GRM8: variants seen among roughly 807,000 people sequenced by gnomAD.
GRM8 encodes glutamate metabotropic receptor 8.
A neutral mutation model predicts 87.2 loss-of-function variants in GRM8; 47 were observed. The ratio of observed to expected loss-of-function variants is 0.54; its 90% CI spans 0.43 to 0.69. The LOEUF (loss-of-function observed/expected upper bound fraction) is 0.69. Among genes scored for constraint, GRM8 ranks in the 30% least tolerant of loss-of-function variants. The pLI, the probability that GRM8 is intolerant of heterozygous loss-of-function variation, is 0.00. For synonymous variants in GRM8, 396 were observed against 404.5 expected (o/e 0.98, Z 0.25); for missense variants, 1,019 against 1,139.2 (o/e 0.89, Z 1.52).
At chr7:126,530,234 G>A (rs1262986294) in intron 9 of GRM8, among the ~76,000 whole-genome samples, 6 of 152,158 alleles carry the variant, frequency 3.9e-5, no homozygotes, top group East Asian at 3.8e-4. Context: ...TGTGTGGTTC[G>A]ATGCATTCTC....
At chr7:127,107,174 A>T (rs2133085938) in intron 2 of GRM8, among the ~76,000 whole-genome samples, 1 of 152,332 alleles carries the variant, frequency 6.6e-6, no homozygotes, top group African/African-American at 2.4e-5. Context: ...ATTTTTTTAT[A>T]CTTGATACCA....
chr7:126,567,629 G>A (rs62479321), intron 8 of GRM8, among the ~76,000 whole-genome samples: 46,952 of 151,934 alleles, frequency 0.31, 8,128 homozygotes, highest in East Asian at 0.43. Flanking sequence ...AATTGTGTAT[G>A]CTTTTAGTGG....
intron 7 of GRM8, among the ~76,000 whole-genome samples, chr7:126,610,503 G>A (rs1798813349): frequency 6.6e-6 from 1 of 152,028 alleles, no homozygotes; most frequent in Non-Finnish European, 1.5e-5. Context: ...GTGCTAGAGG[G>A]TTTCCCCTTC....
chr7:126,473,756 G>T (rs569467348), intron 9 of GRM8, among the ~76,000 whole-genome samples: 7 of 152,194 alleles, frequency 4.6e-5, no homozygotes, highest in Admixed American at 4.6e-4. Flanking sequence ...TCTTGGGAGG[G>T]ACCCATTTGG....
At chr7:126,833,520 C>T (rs918688107) in intron 6 of GRM8, among the ~76,000 whole-genome samples, 4 of 152,144 alleles carry the variant, frequency 2.6e-5, no homozygotes, top group African/African-American at 7.2e-5. Flanking sequence ...AATCAGGGTG[C>T]CAGTATGGTC....
chr7:126,692,196 T>C (rs1271249587), intron 7 of GRM8, among the ~76,000 whole-genome samples: 1 of 152,216 alleles, frequency 6.6e-6, no homozygotes, highest in Non-Finnish European at 1.5e-5. Flanking sequence ...GCTAACGAAC[T>C]TTCTCCATCC....
intron 3 of GRM8, among the ~76,000 whole-genome samples, chr7:126,915,807 G>C (rs924564379): frequency 1.3e-5 from 2 of 152,194 alleles, no homozygotes; most frequent in African/African-American, 4.8e-5. Context: ...GGTATCTATG[G>C]AACTGGGCAG....
intron 6 of GRM8, among the ~76,000 whole-genome samples, chr7:126,889,157 C>G (rs1800762743): frequency 6.6e-6 from 1 of 152,058 alleles, no homozygotes; most frequent in Admixed American, 6.5e-5. Flanking sequence ...AAAAAGAAAC[C>G]AGAGCAATTT....
intron 3 of GRM8, among the ~76,000 whole-genome samples, chr7:126,998,909 C>T (rs1295732413): frequency 6.6e-6 from 1 of 151,458 alleles, no homozygotes; most frequent in African/African-American, 2.4e-5. Context: ...AAAAGTAATC[C>T]TATGATTTAT....
At chr7:126,873,389 T>G (rs1305758346) in intron 6 of GRM8, among the ~76,000 whole-genome samples, 1 of 152,108 alleles carries the variant, frequency 6.6e-6, no homozygotes, top group East Asian at 1.9e-4. Flanking sequence ...GGTTGATGCT[T>G]ATAAACTGTG....
At chr7:126,867,434 T>C (rs938439298) in intron 6 of GRM8, among the ~76,000 whole-genome samples, 49 of 152,248 alleles carry the variant, frequency 3.2e-4, no homozygotes, top group African/African-American at 1.2e-3. Flanking sequence ...TGACATTTAG[T>C]TGTATTGACT....
intron 7 of GRM8, among the ~76,000 whole-genome samples, chr7:126,695,138 G>A (rs1335930920): frequency 6.6e-6 from 1 of 152,070 alleles, no homozygotes; most frequent in African/African-American, 2.4e-5. Flanking sequence ...GCCTATATTC[G>A]AGAAAAACTA....
At position 126,477,622 on chromosome 7, in the gene GRM8, A is replaced by AGAAAGAAAGAAC. The variant is rs1387058158; in HGVS notation, c.2431-31251_2431-31250insGTTCTTTCTTTC. On this transcript the variant is annotated intron_variant, in intron 9 of 10. Transcript: ENST00000339582. ...AAGAAAGAAAGAAAGAAAGAAAGAA[A>AGAAAGAAAGAAC]GAAAGAAAGAAAGAAAAAACGAAAG... 1.4e-3 allele frequency among the ~76,000 whole-genome samples: 197 copies of AGAAAGAAAGAAC among 144,002 alleles called. 4 individuals are homozygous for AGAAAGAAAGAAC. Among genetic ancestry groups the AGAAAGAAAGAAC allele is most frequent in the East Asian group, 4.4e-3 (21 of 4,794 alleles). 94.5% of individuals were successfully genotyped at this position (144,002 alleles called of 152,430 possible). A position where few individuals can be genotyped will look rare whatever the true frequency, so the allele number is the denominator to read the frequency against.
intron 2 of GRM8, among the ~76,000 whole-genome samples, chr7:127,114,847 T>A (rs1289541800): frequency 6.6e-6 from 1 of 152,152 alleles, no homozygotes; most frequent in Admixed American, 6.5e-5. Context: ...ATGGGTATTG[T>A]ATGAGTCATA....
intron 7 of GRM8, among the ~76,000 whole-genome samples, chr7:126,653,212 G>A (rs578253571): frequency 6.6e-6 from 1 of 150,700 alleles, no homozygotes; most frequent in South Asian, 2.1e-4. Flanking sequence ...CTGAGGTGGA[G>A]GATCACTTGA....
At chr7:126,776,787 T>C (rs566418953) in intron 6 of GRM8, among the ~76,000 whole-genome samples, 1 of 152,252 alleles carries the variant, frequency 6.6e-6, no homozygotes, top group Non-Finnish European at 1.5e-5. Flanking sequence ...TGGTTACTTC[T>C]CAGTAAAAAT....
At chr7:127,003,661 C>A (rs528967315) in intron 3 of GRM8, among the ~76,000 whole-genome samples, 3 of 151,812 alleles carry the variant, frequency 2.0e-5, no homozygotes, top group African/African-American at 7.2e-5. Context: ...AGAGGTAACA[C>A]GTCAAAGTCT....
intron 9 of GRM8, among the ~76,000 whole-genome samples, chr7:126,513,054 A>G (rs1026602056): frequency 2.0e-5 from 3 of 152,146 alleles, no homozygotes; most frequent in Admixed American, 6.6e-5. Context: ...GAGTTTTCCT[A>G]TCATTACCAC....
intron 6 of GRM8, among the ~76,000 whole-genome samples, chr7:126,837,070 T>TG (rs1023661366): frequency 2.6e-5 from 4 of 151,968 alleles, no homozygotes; most frequent in African/African-American, 9.6e-5. Flanking sequence ...GACATTATTT[T>TG]TTTTTCTTAC....
Sources: allele counts gnomAD v4.1 joint callset (sites outside exome capture counted in the v4.1 genomes callset), GRCh38; gene constraint gnomAD v4.1.1; transcripts MANE v1.5; gene names NCBI Gene and HGNC (gene_info 2026-07-23, HGNC 2026-07-21).